Variants in FBXO4 observed in about 807,000 individuals in gnomAD.
FBXO4 encodes F-box protein 4, also known as F-box only protein 4.
A neutral mutation model predicts 43.7 loss-of-function variants in FBXO4; 36 were observed. The observed-to-expected ratio is 0.82, with a 90% CI of 0.63 to 1.09. The LOEUF (loss-of-function observed/expected upper bound fraction) is 1.09. Among genes scored for constraint, FBXO4 ranks in the 50% least tolerant of loss-of-function variants. The probability of loss-of-function intolerance (pLI) is 0.00; values close to 1 mark genes in which losing one functional copy is unlikely to be tolerated. For missense variants in FBXO4, 435 were observed against 474.1 expected (o/e 0.92, Z 0.77); for synonymous variants, 180 against 165.6 (o/e 1.09, Z -0.67).
chr5:42,034,910 C>A, the FBXO4 span, among the ~76,000 whole-genome samples: 2,446 of 151,932 alleles, frequency 0.016, 123 homozygotes, highest in East Asian at 0.1. Context: ...GAATGTCAAT[C>A]GTAGTTTAAT....
chr5:41,985,905 T>C, the FBXO4 span, among the ~76,000 whole-genome samples: 1 of 152,132 alleles, frequency 6.6e-6, no homozygotes, highest in Non-Finnish European at 1.5e-5. Context: ...TGTTCCTTAG[T>C]CTACAGGAAA....
At chr5:41,961,762 T>C in the FBXO4 span, among the ~76,000 whole-genome samples, 1 of 152,128 alleles carries the variant, frequency 6.6e-6, no homozygotes, top group Non-Finnish European at 1.5e-5. Context: ...AGGTGTCAGC[T>C]TCTTGGGTGG....
the FBXO4 span, among the ~76,000 whole-genome samples, chr5:42,025,119 T>G: frequency 6.6e-6 from 1 of 151,672 alleles, no homozygotes; most frequent in Non-Finnish European, 1.5e-5. Context: ...TTTGTTTTTT[T>G]AGAAGCCTCC....
chr5:41,953,332 T>A, the FBXO4 span, among the ~76,000 whole-genome samples: 8 of 151,748 alleles, frequency 5.3e-5, no homozygotes, highest in Non-Finnish European at 7.4e-5. Context: ...GAACTCATCA[T>A]TTTTTATGGC....
rs748428986 is a variant in FBXO4 at position 41,941,738 on chromosome 5, GA to G, written c.*462del. On this transcript the variant is annotated 3_prime_UTR_variant, in exon 7 of 7. Transcript: ENST00000281623. Reference sequence around the variant, plus strand: ...TTAATAAATACACTGCTTAAAGACTGAAAAATGTACTGGAATTGCATTTAAT... The same window carrying G: ...TTAATAAATACACTGCTTAAAGACTGAAAATGTACTGGAATTGCATTTAAT... 6.5e-6 allele frequency: 1 copy of G among 153,278 alleles called. No homozygotes were observed. The highest frequency in any genetic ancestry group is 1.5e-5 in the Non-Finnish European group (1 of 68,770). The allele number at this position is 153,278 out of a possible 1,614,324, so 9.5% of individuals were successfully genotyped here.
At position 41,925,497 on chromosome 5, in the gene FBXO4, C is replaced by G. The variant is rs746013720; in HGVS notation, c.188C>G (p.Pro63Arg). The G allele has an allele frequency of 1.5e-6, 2 of 1,304,490 alleles. No individual in the cohort carries two copies. Among genetic ancestry groups the G allele is most frequent in the Non-Finnish European group, 9.8e-7 (1 of 1,018,354 alleles). 80.8% of individuals were successfully genotyped at this position (1,304,490 alleles called of 1,614,324 possible). ...DEAASTLTRL[P>R]IDVQLYILSF... ...GCGGCCAGCACCCTGACGCGGCTGC[C>G]GGTGAGCGTCGGCCGCAGGCCGCGG... The change falls in exon 1 of 7, where the codon CCG becomes CGG. Residue 63 changes from proline to arginine, a missense_variant and splice_region_variant. Physicochemically the swap from Pro to Arg is moderately radical, Grantham distance 103 (BLOSUM62 -2). Transcript: ENST00000281623.
At chr5:41,999,043 T>C in the FBXO4 span, among the ~76,000 whole-genome samples, 3 of 139,164 alleles carry the variant, frequency 2.2e-5, no homozygotes, top group South Asian at 6.7e-4. Flanking sequence ...CACATATGGT[T>C]CACACATGGT....
At chr5:42,013,419 A>ATTC in the FBXO4 span, among the ~76,000 whole-genome samples, 1 of 152,204 alleles carries the variant, frequency 6.6e-6, no homozygotes, top group Non-Finnish European at 1.5e-5. Context: ...GTCAGATTAA[A>ATTC]GTACCACTCA....
chr5:41,941,281 A>G lies in FBXO4; in HGVS notation c.1164A>G (p.Ter388TrpextTer12). ...LEEVESKRAR[*>W] is the part of the protein sequence containing the mutation. The stretch of plus-strand genomic sequence containing the variant: ...AAGTGGAATCTAAGCGTGCAAGATG[A>G]TTCTCTTTTCAGATCTTGGGAACTG... Residue 388 changes from the stop codon to tryptophan, a stop_lost, in exon 7 of 7, where the codon TGA becomes TGG. Coordinates refer to ENST00000281623, the MANE Select transcript of FBXO4 (RefSeq NM_012176.3). 6.2e-7 allele frequency: 1 copy of G among 1,612,516 alleles called. No individual in the cohort carries two copies. Among genetic ancestry groups the G allele is most frequent in the Non-Finnish European group, 8.5e-7 (1 of 1,178,672 alleles).
At chr5:42,012,195 A>T in the FBXO4 span, among the ~76,000 whole-genome samples, 1 of 152,202 alleles carries the variant, frequency 6.6e-6, no homozygotes, top group Admixed American at 6.5e-5. Context: ...AGGATTATTC[A>T]TCATGGTGGC....
At chr5:42,001,765 C>T in the FBXO4 span, among the ~76,000 whole-genome samples, 1 of 152,212 alleles carries the variant, frequency 6.6e-6, no homozygotes, top group Non-Finnish European at 1.5e-5. Flanking sequence ...GAGATCAACT[C>T]ACTACAAACT....
At position 41,940,016 on chromosome 5, in the gene FBXO4, AT is replaced by A. The variant is rs541865620; in HGVS notation, c.1074+406del. Among the ~76,000 whole-genome samples, 761 of 150,298 alleles carry A rather than the reference AT, an allele frequency of 5.1e-3. 8 individuals carry two copies. The highest frequency in any genetic ancestry group is 0.017 in the African/African-American group (712 of 40,934). On this transcript the variant is annotated intron_variant, in intron 6 of 6. Coordinates refer to ENST00000281623, the MANE Select transcript of FBXO4 (RefSeq NM_012176.3). ...AGGTGTGTGCCAGCACACCCAGATA[AT>A]TTTTTGTATTTTTTGTAGAGATGGG...
Position 41,929,499 on chromosome 5 carries a change from T to TG in FBXO4, c.426-196dup, listed in dbSNP as rs539723931. ...AGCTTCTGGGCCACTCCCACCCCCATGGCACCTTGTGCTTTTCCCTGTCAG... is the reference window on the plus strand; with the variant it reads ...AGCTTCTGGGCCACTCCCACCCCCATGGGCACCTTGTGCTTTTCCCTGTCAG... On this transcript the variant is annotated intron_variant, in intron 2 of 6. Coordinates refer to ENST00000281623, the MANE Select transcript of FBXO4 (RefSeq NM_012176.3). Among the ~76,000 whole-genome samples the TG allele has an allele frequency of 3.5e-3, 532 of 152,332 alleles. 2 individuals are homozygous for TG. Among genetic ancestry groups the TG allele is most frequent in the African/African-American group, 0.012 (516 of 41,572 alleles).
chr5:41,964,048 T>G, the FBXO4 span: 3 of 152,206 alleles, frequency 2.0e-5, no homozygotes, highest in Non-Finnish European at 4.4e-5. Flanking sequence ...TTTTGAGTGA[T>G]GGCAGCATCA....
the FBXO4 span, among the ~76,000 whole-genome samples, chr5:41,992,578 G>C: frequency 5.9e-5 from 9 of 152,292 alleles, no homozygotes; most frequent in Middle Eastern, 3.4e-3. Flanking sequence ...CTTGGGGACA[G>C]CAATGGTCTC....
chr5:42,029,883 G>T, the FBXO4 span, among the ~76,000 whole-genome samples: 25 of 151,642 alleles, frequency 1.6e-4, no homozygotes, highest in Non-Finnish European at 2.6e-4. Context: ...TGAATTTTTT[G>T]GAGTTTCCTC....
At chr5:42,039,231 G>A in the FBXO4 span, among the ~76,000 whole-genome samples, 7 of 152,042 alleles carry the variant, frequency 4.6e-5, no homozygotes, top group Admixed American at 6.6e-5. Flanking sequence ...ACATCTGATA[G>A]TGTCACAAAA....
intron 3 of FBXO4, among the ~76,000 whole-genome samples, chr5:41,932,377 A>G (rs1350859109): frequency 6.6e-6 from 1 of 152,198 alleles, no homozygotes; most frequent in Non-Finnish European, 1.5e-5. Flanking sequence ...CATGCACCAG[A>G]CCTGGTGGCT....
chr5:41,982,081 A>G, the FBXO4 span, among the ~76,000 whole-genome samples: 2 of 152,128 alleles, frequency 1.3e-5, no homozygotes, highest in Non-Finnish European at 2.9e-5. Context: ...ACATGAGCTC[A>G]TCATTTTTAA....
Sources: allele counts gnomAD v4.1 joint callset (sites outside exome capture counted in the v4.1 genomes callset), GRCh38; gene constraint gnomAD v4.1.1; transcripts MANE v1.5; gene names NCBI Gene and HGNC (gene_info 2026-07-23, HGNC 2026-07-21).